The following PCDH15 variants were observed in gnomAD, a reference collection of about 807,000 sequenced individuals.
PCDH15 encodes protocadherin related 15, also known as protocadherin-15.
Under a neutral mutation model 178.5 loss-of-function variants are expected in PCDH15, and 129 were observed. The observed-to-expected ratio is 0.72, with a 90% CI of 0.63 to 0.84. PCDH15 has a LOEUF of 0.84. Ranked by LOEUF, PCDH15 falls within the 40% of genes least tolerant of loss-of-function variation. PCDH15 has a pLI of 0.00. For missense variants in PCDH15, 2,230 were observed against 2,099.9 expected (o/e 1.06, Z -1.21); for synonymous variants, 800 against 732.0 (o/e 1.09, Z -1.50).
intron 1 of PCDH15, among the ~76,000 whole-genome samples, chr10:54,706,063 C>A (rs1444803023): frequency 6.6e-6 from 1 of 152,150 alleles, no homozygotes; most frequent in African/African-American, 2.4e-5. Flanking sequence ...ATGTATAAAG[C>A]TGAGTCTCAT....
At chr10:54,996,068 C>T (rs747840472) in intron 2 of PCDH15, among the ~76,000 whole-genome samples, 4 of 152,090 alleles carry the variant, frequency 2.6e-5, no homozygotes, top group Non-Finnish European at 4.4e-5. Context: ...TATACTGAAC[C>T]CCTAGCATTT....
rs2051722951 is a variant in PCDH15 at position 54,213,978 on chromosome 10, T to C, written c.1056A>G (p.Pro352=). 6.2e-7 allele frequency: 1 copy of C among 1,611,398 alleles called. No individual in the cohort carries two copies. Among genetic ancestry groups the C allele is most frequent in the African/African-American group, 1.3e-5 (1 of 74,982 alleles). Residue 352 remains proline, a synonymous_variant, in exon 10 of 38, where the codon CCA becomes CCG. Transcript: ENST00000644397. ...ATTTCTGGTGAAAGTCTCTGTTTACTGGCTCCAGGAGACTAAGTTCTGCTG... is the reference window on the plus strand; with the variant it reads ...ATTTCTGGTGAAAGTCTCTGTTTACCGGCTCCAGGAGACTAAGTTCTGCTG... ...PRTAELSLLE[P]VNRDFHQKFD...
At chr10:55,447,401 C>T (rs761091268) in intron 2 of PCDH15, among the ~76,000 whole-genome samples, 8 of 151,950 alleles carry the variant, frequency 5.3e-5, no homozygotes, top group Admixed American at 3.9e-4. Flanking sequence ...TATCATAGAA[C>T]GTTTAAGTCC....
intron 20 of PCDH15, among the ~76,000 whole-genome samples, chr10:54,017,237 C>T (rs999791818): frequency 1.3e-5 from 2 of 151,870 alleles, no homozygotes; most frequent in African/African-American, 4.8e-5. Flanking sequence ...GTTGGCCAGG[C>T]TAATCTCAAA....
At chr10:54,747,165 AT>A (rs1168499033) in intron 1 of PCDH15, among the ~76,000 whole-genome samples, 1 of 152,166 alleles carries the variant, frequency 6.6e-6, no homozygotes, top group Non-Finnish European at 1.5e-5. Flanking sequence ...AAAAACCATC[AT>A]TGTTTTTACA....
At chr10:54,033,702 A>G (rs976180029) in intron 18 of PCDH15, among the ~76,000 whole-genome samples, 1 of 151,952 alleles carries the variant, frequency 6.6e-6, no homozygotes, top group Admixed American at 6.6e-5. Context: ...CTTCCTATTT[A>G]TTTGATTATG....
chr10:54,312,400 TC>T (rs1190486161), intron 8 of PCDH15, among the ~76,000 whole-genome samples: 1 of 152,106 alleles, frequency 6.6e-6, no homozygotes, highest in Non-Finnish European at 1.5e-5. Context: ...CATTTTCTTT[TC>T]CATATGCTCT....
At chr10:55,478,888 T>C (rs1186396630) in intron 2 of PCDH15, among the ~76,000 whole-genome samples, 1 of 149,458 alleles carries the variant, frequency 6.7e-6, no homozygotes, top group Non-Finnish European at 1.5e-5. Context: ...CTAGGGGATA[T>C]GGACAAATTC....
intron 2 of PCDH15, among the ~76,000 whole-genome samples, chr10:55,450,802 G>A (rs1362632201): frequency 1.3e-5 from 2 of 151,874 alleles, no homozygotes; most frequent in African/African-American, 4.8e-5. Context: ...CTAAAAAAGA[G>A]ACTGGTTCCG....
At chr10:55,018,337 A>G (rs1420702497) in intron 2 of PCDH15, among the ~76,000 whole-genome samples, 3 of 152,240 alleles carry the variant, frequency 2.0e-5, no homozygotes, top group Non-Finnish European at 4.4e-5. Context: ...TCACGGATAT[A>G]AAATGATGTT....
At chr10:55,472,687 T>C (rs1425106683) in intron 2 of PCDH15, among the ~76,000 whole-genome samples, 1 of 152,034 alleles carries the variant, frequency 6.6e-6, no homozygotes, top group Non-Finnish European at 1.5e-5. Flanking sequence ...TCCTGCCTCA[T>C]CCTCCCTAGT....
At chr10:54,665,223 A>G (rs1360932) in intron 1 of PCDH15, among the ~76,000 whole-genome samples, 73,198 of 151,588 alleles carry the variant, frequency 0.48, 19,134 homozygotes, top group Non-Finnish European at 0.6. Context: ...AAGGTTTTCT[A>G]AAGAGACCAG....
chr10:55,054,140 A>G (rs1841233099), intron 2 of PCDH15, among the ~76,000 whole-genome samples: 1 of 152,078 alleles, frequency 6.6e-6, no homozygotes, highest in South Asian at 2.1e-4. Flanking sequence ...TGGAAGGTTT[A>G]TTTAAATCCT....
At chr10:54,703,291 G>A (rs776102470) in intron 1 of PCDH15, among the ~76,000 whole-genome samples, 1 of 152,000 alleles carries the variant, frequency 6.6e-6, no homozygotes, top group Non-Finnish European at 1.5e-5. Flanking sequence ...AGCAAAAGCA[G>A]GAAGTGTCCC....
intron 1 of PCDH15, among the ~76,000 whole-genome samples, chr10:55,170,909 A>G (rs1030917075): frequency 6.6e-6 from 1 of 152,134 alleles, no homozygotes; most frequent in Admixed American, 6.6e-5. Context: ...AAAAAGAAAA[A>G]GAAAGCGTAA....
In PCDH15 at chr10:54,369,293, C is replaced by G. The variant is rs761263266; in HGVS notation, c.319-18G>C. The G allele has an allele frequency of 6.2e-7, 1 of 1,610,540 alleles. No individual in the cohort carries two copies. The highest frequency in any genetic ancestry group is 1.3e-5 in the African/African-American group (1 of 74,908). ...ATCGGTGGCTGCAATGTAGAAATTG[C>G]ATCTTTTAAAATACTAATTAAAAAC... On this transcript the variant is annotated intron_variant, in intron 4 of 37. Coordinates refer to ENST00000644397, the MANE Select transcript of PCDH15 (RefSeq NM_001384140.1).
chr10:54,705,023 GCAA>G (rs1367809580), intron 1 of PCDH15, among the ~76,000 whole-genome samples: 2 of 152,024 alleles, frequency 1.3e-5, no homozygotes, highest in African/African-American at 2.4e-5. Context: ...TATGTCCTTT[GCAA>G]CAACATTGAT....
chr10:55,088,989 C>T (rs1259034758), intron 2 of PCDH15, among the ~76,000 whole-genome samples: 1 of 151,936 alleles, frequency 6.6e-6, no homozygotes, highest in Non-Finnish European at 1.5e-5. Context: ...AATATATATT[C>T]TAGATAAACT....
At chr10:54,485,006 G>A (rs1267049489) in intron 3 of PCDH15, among the ~76,000 whole-genome samples, 1 of 151,876 alleles carries the variant, frequency 6.6e-6, no homozygotes, top group African/African-American at 2.4e-5. Context: ...TACAGGAAGA[G>A]TGAGAACTCT....
Sources: gnomAD v4.1 joint callset for allele counts (sites outside exome capture counted in the v4.1 genomes callset) on GRCh38, gnomAD v4.1.1 for gene constraint, MANE v1.5 for transcripts, NCBI Gene and HGNC (gene_info 2026-07-23, HGNC 2026-07-21) for gene names.